Variants in LSP1 observed in about 807,000 individuals in gnomAD.
The protein encoded by LSP1 is lymphocyte-specific protein 1.
In LSP1, 32 loss-of-function variants were observed where a neutral mutation model predicts 49.3. The ratio of observed to expected loss-of-function variants is 0.65; its 90% CI spans 0.49 to 0.87. The LOEUF is 0.87. Among genes scored for constraint, LSP1 ranks in the 40% least tolerant of loss-of-function variants. LSP1 has a pLI of 0.00. For missense variants in LSP1, 428 were observed against 442.6 expected (o/e 0.97, Z 0.30); for synonymous variants, 179 against 178.8 (o/e 1.00, Z -0.01).
At chr11:1,862,231 C>T (rs1191960641) in intron 1 of LSP1, among the ~76,000 whole-genome samples, 1 of 152,144 alleles carries the variant, frequency 6.6e-6, no homozygotes, top group African/African-American at 2.4e-5. Flanking sequence ...TGAGCGCACA[C>T]ATAACAGTGG....
chr11:1,855,479 C>T (rs539830898), intron 1 of LSP1, among the ~76,000 whole-genome samples: 47 of 152,322 alleles, frequency 3.1e-4, no homozygotes, highest in African/African-American at 9.9e-4. Context: ...TCCAGCCCCT[C>T]AGACTGTCGC....
chr11:1,870,951 G>A (rs866042272), intron 1 of LSP1: 7 of 985,760 alleles, frequency 7.1e-6, no homozygotes, highest in South Asian at 4.7e-5. Context: ...GGCGGGAGGC[G>A]CAGCCGGGCT....
At chr11:1,874,550 G>T (rs750265969) in intron 1 of LSP1, among the ~76,000 whole-genome samples, 2 of 152,152 alleles carry the variant, frequency 1.3e-5, no homozygotes, top group South Asian at 4.1e-4. Context: ...CAGGTGGGGC[G>T]AAGGCCAAGA....
At chr11:1,855,435 G>A (rs1232031486) in intron 1 of LSP1, among the ~76,000 whole-genome samples, 1 of 152,182 alleles carries the variant, frequency 6.6e-6, no homozygotes, top group Non-Finnish European at 1.5e-5. Context: ...ACTAGGTCCA[G>A]GGCAGGCCAA....
chr11:1,861,061 C>T (rs1847617258), intron 1 of LSP1, among the ~76,000 whole-genome samples: 3 of 152,194 alleles, frequency 2.0e-5, no homozygotes, highest in South Asian at 2.1e-4. Flanking sequence ...ATTAGAAAGA[C>T]GGATGTGTGA....
At chr11:1,886,505 C>G (rs1214955622) in intron 7 of LSP1, among the ~76,000 whole-genome samples, 2 of 152,252 alleles carry the variant, frequency 1.3e-5, no homozygotes, top group Admixed American at 1.3e-4. Flanking sequence ...CACATCTGTC[C>G]TGTGCGCCAT....
Position 1,884,568 on chromosome 11 carries a change from C to T in LSP1, c.704C>T (p.Thr235Ile), listed in dbSNP as rs748573553. Residue 235 changes from threonine (T) to isoleucine (I), a missense_variant, in exon 7 of 11, where the codon ACC (threonine) becomes ATC (isoleucine). Transcript: ENST00000311604. The surrounding 1 kb of genome is among the most constrained non-coding windows in gnomAD (Gnocchi z 4.1). ...SKIDQWLEQYTQAIETAGRTP... is the reference protein window; with the variant it reads ...SKIDQWLEQYIQAIETAGRTP... The stretch of plus-strand genomic sequence containing the variant: ...ATTGATCAGTGGCTGGAACAATACA[C>T]CCAGGCCATCGAGGTATGACCTGGC... The T allele has an allele frequency of 9.9e-6, 16 of 1,613,702 alleles. No individual in the cohort carries two copies. The highest frequency in any genetic ancestry group is 8.5e-7 in the Non-Finnish European group (1 of 1,179,852).
intron 4 of LSP1, 41 bp from the exon 5 acceptor site, chr11:1,883,891 A>G (rs779308742): frequency 1.9e-6 from 3 of 1,555,918 alleles, no homozygotes; most frequent in Non-Finnish European, 8.7e-7. Context: ...GGAGGGGCAC[A>G]AGCAGGGGGT....
intron 1 of LSP1, among the ~76,000 whole-genome samples, chr11:1,874,374 T>C (rs1186800592): frequency 2.6e-5 from 4 of 151,500 alleles, no homozygotes. Context: ...GGTGAGGATC[T>C]GGTCTCCCGA....
intron 1 of LSP1, chr11:1,871,271 G>A: frequency 9.1e-6 from 9 of 986,906 alleles, no homozygotes; most frequent in Non-Finnish European, 1.1e-5. Context: ...GATGCAGCAG[G>A]CAGGGCCACC....
At chr11:1,861,695 GTGGATGGATGGATGGA>G (rs58820256) in intron 1 of LSP1, among the ~76,000 whole-genome samples, 17 of 122,050 alleles carry the variant, frequency 1.4e-4, no homozygotes, top group Admixed American at 4.1e-4. Context: ...GGATGGGTGG[GTGGATGGATGGATGGA>G]TGGATGGATG....
chr11:1,856,935 A>T (rs895932757), intron 1 of LSP1, among the ~76,000 whole-genome samples: 1 of 152,222 alleles, frequency 6.6e-6, no homozygotes, highest in Non-Finnish European at 1.5e-5. Flanking sequence ...CCCCAGCCCT[A>T]GCCCCACAGG....
intron 1 of LSP1, chr11:1,864,230 T>A: frequency 1.0e-6 from 1 of 986,236 alleles, no homozygotes; most frequent in Non-Finnish European, 1.2e-6. Flanking sequence ...AGGCCTGCGA[T>A]GATGGTGAGG....
At chr11:1,883,860 C>T in intron 4 of LSP1, 72 bp from the exon 5 acceptor site, 1 of 1,378,266 alleles carries the variant, frequency 7.3e-7, no homozygotes, top group Non-Finnish European at 1.0e-6. Context: ...GCATTTGTTC[C>T]CACAGGTGCT....
intron 1 of LSP1, among the ~76,000 whole-genome samples, chr11:1,873,935 A>AGAGGAGGGAGCCCGGCG: frequency 1.8e-5 from 1 of 56,226 alleles, no homozygotes; most frequent in East Asian, 5.4e-4. Flanking sequence ...GGAGGCCGGC[A>AGAGGAGGGAGCCCGGCG]GAGGAGGGAG....
chr11:1,860,398 A>G (rs75666374), intron 1 of LSP1, among the ~76,000 whole-genome samples: 5,972 of 152,070 alleles, frequency 0.039, 126 homozygotes, highest in Non-Finnish European at 0.046. Context: ...GGGTGGATGA[A>G]TGAATGGGTT....
chr11:1,862,837 C>A (rs1034559527), intron 1 of LSP1, among the ~76,000 whole-genome samples: 3 of 151,744 alleles, frequency 2.0e-5, no homozygotes, highest in Non-Finnish European at 4.4e-5. Flanking sequence ...CTCTGGGTGA[C>A]CTCCCCTCCC....
chr11:1,887,639 T>G (rs1848813754), intron 10 of LSP1, 63 bp downstream of exon 10: 1 of 1,387,090 alleles, frequency 7.2e-7, no homozygotes, highest in Non-Finnish European at 1.0e-6. Context: ...GCTGGGAACT[T>G]GGCAACCTGG....
At chr11:1,858,897 C>T (rs1180328482) in intron 1 of LSP1, among the ~76,000 whole-genome samples, 3 of 152,212 alleles carry the variant, frequency 2.0e-5, no homozygotes, top group African/African-American at 7.2e-5. Flanking sequence ...AGATGCTGAG[C>T]AGGGGTGGCA....
Sources: allele counts gnomAD v4.1 joint callset (sites outside exome capture counted in the v4.1 genomes callset), GRCh38; gene constraint gnomAD v4.1.1; non-coding constraint Gnocchi (gnomAD v3.1); transcripts MANE v1.5; gene names NCBI Gene and HGNC (gene_info 2026-07-23, HGNC 2026-07-21).